PAX7: variants seen among roughly 807,000 people sequenced by gnomAD.
PAX7 encodes the protein paired box 7, also known as paired box protein Pax-7.
Under a neutral mutation model 50.7 loss-of-function variants are expected in PAX7, and 18 were observed. That is an observed-to-expected ratio of 0.36 (90% CI 0.25 to 0.53). The LOEUF (loss-of-function observed/expected upper bound fraction) is 0.53, where lower values mean the gene tolerates loss of function less well. PAX7 is among the 20% of genes least tolerant of loss of function. The pLI, the probability that PAX7 is intolerant of heterozygous loss-of-function variation, is 0.93. For missense variants in PAX7, 644 were observed against 702.9 expected, an observed-to-expected ratio of 0.92 and a Z score of 0.95; for synonymous variants, 310 against 290.4, an observed-to-expected ratio of 1.07 and a Z score of -0.69.
intron 4 of PAX7, among the ~76,000 whole-genome samples, chr1:18,650,626 G>A (rs746061607): frequency 1.3e-5 from 2 of 152,200 alleles, no homozygotes; most frequent in Non-Finnish European, 2.9e-5. Flanking sequence ...AATCTGTCCC[G>A]ATCATTCTGA....
At chr1:18,736,218 A>G in intron 8 of PAX7, 1 of 543,818 alleles carries the variant, frequency 1.8e-6, no homozygotes, top group Non-Finnish European at 3.3e-6. Context: ...TAATCCCAGC[A>G]CTTTGGAAGG....
chr1:18,712,076 G>GCC (rs2089359231), intron 7 of PAX7, among the ~76,000 whole-genome samples: 1 of 152,046 alleles, frequency 6.6e-6, no homozygotes, highest in African/African-American at 2.4e-5. Flanking sequence ...GGCGAGGCCA[G>GCC]CCCCAGGGTA....
chr1:18,659,730 A>G (rs1329844405), intron 4 of PAX7, among the ~76,000 whole-genome samples: 2 of 152,080 alleles, frequency 1.3e-5, no homozygotes, highest in African/African-American at 4.8e-5. Flanking sequence ...TTGGCCTGGG[A>G]CTTTCCTGGT....
At chr1:18,688,674 G>A (rs1334635895) in intron 4 of PAX7, among the ~76,000 whole-genome samples, 2 of 152,192 alleles carry the variant, frequency 1.3e-5, no homozygotes, top group African/African-American at 4.8e-5. Context: ...GCCGAAGCAG[G>A]CGGATCACCT....
Position 18,747,059 on chromosome 1 carries a change from C to G in PAX7, c.*2130C>G, listed in dbSNP as rs150090514. 3.0e-5 allele frequency: 7 copies of G among 229,858 alleles called. No homozygotes were observed. Among genetic ancestry groups the G allele is most frequent in the African/African-American group, 1.6e-4 (7 of 45,152 alleles). The allele number at this position is 229,858 out of a possible 1,614,324, so 14.2% of individuals were successfully genotyped here. A position where few individuals can be genotyped will look rare whatever the true frequency, so the allele number is the denominator to read the frequency against. The stretch of plus-strand genomic sequence containing the variant: ...GGTAACCCAGTCCCTGCTTTTGTAG[C>G]TATCACAGCAGAAAGCAACTCTTCC... On this transcript the variant is annotated 3_prime_UTR_variant, in exon 9 of 9. Transcript: ENST00000420770.
intron 4 of PAX7, among the ~76,000 whole-genome samples, chr1:18,644,161 A>G (rs2088303509): frequency 6.6e-6 from 1 of 152,218 alleles, no homozygotes; most frequent in African/African-American, 2.4e-5. Context: ...CTGAAGGCTT[A>G]GTGCAACTCC....
At chr1:18,730,260 G>A (rs996817127) in intron 7 of PAX7, among the ~76,000 whole-genome samples, 7 of 152,168 alleles carry the variant, frequency 4.6e-5, no homozygotes, top group Admixed American at 6.5e-5. Flanking sequence ...GCTCAGAGTC[G>A]CAGTTAGTCA....
At chr1:18,686,184 G>C (rs2088972642) in intron 4 of PAX7, among the ~76,000 whole-genome samples, 1 of 152,206 alleles carries the variant, frequency 6.6e-6, no homozygotes, top group African/African-American at 2.4e-5. Context: ...ATCTGACTGG[G>C]AGCTTCCTAA....
In PAX7 at chr1:18,635,255, G is replaced by A; in HGVS notation, c.451+15G>A. ...TGTGCCCTCAGGTGAGAAGGCAGCT[G>A]AGCCGGCAGAGCTGGCCCAGAGTGT... On this transcript the variant is annotated intron_variant, in intron 3 of 8. Transcript: ENST00000420770. The A allele has an allele frequency of 6.2e-7, 1 of 1,612,716 alleles. No homozygotes were observed. The highest frequency in any genetic ancestry group is 8.5e-7 in the Non-Finnish European group (1 of 1,179,298).
At chr1:18,672,059 G>C (rs914950678) in intron 4 of PAX7, among the ~76,000 whole-genome samples, 3 of 152,056 alleles carry the variant, frequency 2.0e-5, no homozygotes, top group African/African-American at 7.2e-5. Flanking sequence ...GATGAAATGA[G>C]GGAATGTCTG....
intron 4 of PAX7, among the ~76,000 whole-genome samples, chr1:18,643,138 A>G (rs1311439765): frequency 6.6e-6 from 1 of 152,166 alleles, no homozygotes; most frequent in Non-Finnish European, 1.5e-5. Context: ...CCCCGAGGGC[A>G]TTCTAGGGCG....
chr1:18,674,114 G>A (rs1049120417), intron 4 of PAX7, among the ~76,000 whole-genome samples: 2 of 152,228 alleles, frequency 1.3e-5, no homozygotes, highest in African/African-American at 4.8e-5. Flanking sequence ...ATAGGAGGAC[G>A]CAATTCTTTG....
intron 4 of PAX7, among the ~76,000 whole-genome samples, chr1:18,690,680 A>G (rs1179391370): frequency 6.6e-6 from 1 of 152,228 alleles, no homozygotes; most frequent in Non-Finnish European, 1.5e-5. Context: ...CCCAGGAAGC[A>G]ACAGGCCTTC....
intron 3 of PAX7, among the ~76,000 whole-genome samples, chr1:18,635,818 G>A (rs1158966560): frequency 6.8e-6 from 1 of 146,268 alleles, no homozygotes; most frequent in Admixed American, 6.8e-5. Flanking sequence ...GTGTGTGTGT[G>A]TATGTGTGTG....
Position 18,745,080 on chromosome 1 carries a change from C to T in PAX7, c.*151C>T. The T allele has an allele frequency of 6.6e-6, 4 of 609,452 alleles. No homozygotes were observed. Among genetic ancestry groups the T allele is most frequent in the Non-Finnish European group, 1.2e-5 (4 of 339,750 alleles). 37.8% of individuals were successfully genotyped at this position (609,452 alleles called of 1,614,324 possible). ...TCATCACCAGCCCCCTGGAGGTAGACAGCCAGCTTGTCACTCACCTGTGGT... is the reference window on the plus strand; with the variant it reads ...TCATCACCAGCCCCCTGGAGGTAGATAGCCAGCTTGTCACTCACCTGTGGT... On this transcript the variant is annotated 3_prime_UTR_variant, in exon 9 of 9. Transcript: ENST00000420770.
At chr1:18,669,782 T>C (rs1234392877) in intron 4 of PAX7, among the ~76,000 whole-genome samples, 1 of 152,052 alleles carries the variant, frequency 6.6e-6, no homozygotes, top group East Asian at 1.9e-4. Context: ...GCAAATGAAA[T>C]GATAATGGTT....
chr1:18,726,220 C>T lies in PAX7; in HGVS notation c.1156-9412C>T, dbSNP rs1322929653. Among the ~76,000 whole-genome samples, 1 of 151,756 alleles carries T rather than the reference C, an allele frequency of 6.6e-6. No individual in the cohort carries two copies. The highest frequency in any genetic ancestry group is 2.4e-5 in the African/African-American group (1 of 41,246). ...CAATGAGTGGAAAGCCATTCTGTTC[C>T]TCCCTCCACCCCCACCTCACCTCTA... On this transcript the variant is annotated intron_variant, in intron 7 of 8. Transcript: ENST00000420770. The surrounding 1 kb of genome is among the most constrained non-coding windows in gnomAD (Gnocchi z 4.8).
At chr1:18,730,905 TGGGGGTGGGGTA>T (rs935415853) in intron 7 of PAX7, among the ~76,000 whole-genome samples, 4 of 63,776 alleles carry the variant, frequency 6.3e-5, no homozygotes, top group Non-Finnish European at 1.3e-4. Context: ...AGGAAGGGGT[TGGGGGTGGGGTA>T]GGGGCCGTGG....
In PAX7 at chr1:18,691,844, C is replaced by T. The variant is rs1287469522; in HGVS notation, c.677C>T (p.Ala226Val). ...CGACGCAGTCGGACCACATTCACGG[C>T]CGAGCAGCTGGAGGAGCTGGAGAAG... ...KQRRSRTTFT[A>V]EQLEELEKAF... Residue 226 changes from alanine to valine, a missense_variant, in exon 5 of 9, where the codon GCC becomes GTC. Transcript: ENST00000420770. 2 of 1,613,608 alleles carry T rather than the reference C, an allele frequency of 1.2e-6. No homozygotes were observed. Among genetic ancestry groups the T allele is most frequent in the African/African-American group, 2.7e-5 (2 of 74,938 alleles).
Sources: allele counts gnomAD v4.1 joint callset (sites outside exome capture counted in the v4.1 genomes callset), GRCh38; gene constraint gnomAD v4.1.1; non-coding constraint Gnocchi (gnomAD v3.1); transcripts MANE v1.5; gene names NCBI Gene and HGNC (gene_info 2026-07-23, HGNC 2026-07-21).